EYA1: variants seen among roughly 807,000 people sequenced by gnomAD.
EYA1 encodes EYA transcriptional coactivator and phosphatase 1, also known as protein phosphatase EYA1.
A neutral mutation model predicts 82.0 loss-of-function variants in EYA1; 16 were observed. The observed-to-expected ratio is 0.20, with a 90% confidence interval of 0.13 to 0.30. The LOEUF (loss-of-function observed/expected upper bound fraction) is 0.30. Among genes scored for constraint, EYA1 ranks in the 10% least tolerant of loss-of-function variants. The probability of loss-of-function intolerance (pLI) is 1.00; values close to 1 mark genes in which losing one functional copy is unlikely to be tolerated. For missense variants in EYA1, 633 were observed against 730.7 expected, an observed-to-expected ratio of 0.87 and a Z score of 1.54; for synonymous variants, 261 against 264.4, an observed-to-expected ratio of 0.99 and a Z score of 0.12.
At chr8:71,230,270 A>C (rs2128879410) in intron 12 of EYA1, among the ~76,000 whole-genome samples, 1 of 152,350 alleles carries the variant, frequency 6.6e-6, no homozygotes, top group Admixed American at 6.5e-5. Flanking sequence ...TCTACAAAGC[A>C]GTGACTCTCT....
intron 2 of EYA1, among the ~76,000 whole-genome samples, chr8:71,468,715 C>T (rs1361607149): frequency 6.6e-6 from 1 of 152,078 alleles, no homozygotes; most frequent in Admixed American, 6.6e-5. Context: ...AAGTCCAATA[C>T]ATTCAATGCC....
At chr8:71,241,678 TA>T in intron 12 of EYA1, among the ~76,000 whole-genome samples, 1 of 152,202 alleles carries the variant, frequency 6.6e-6, no homozygotes. Context: ...TAAAAACATG[TA>T]ACTTAAATAT....
chr8:71,335,296 C>T (rs559519169), intron 3 of EYA1, among the ~76,000 whole-genome samples: 1 of 152,212 alleles, frequency 6.6e-6, no homozygotes, highest in East Asian at 1.9e-4. Context: ...GCAGCTTTTC[C>T]TCCTCTCAAC....
At chr8:71,402,258 A>T (rs1586641681) in intron 2 of EYA1, among the ~76,000 whole-genome samples, 1 of 152,098 alleles carries the variant, frequency 6.6e-6, no homozygotes, top group Non-Finnish European at 1.5e-5. Context: ...TTTCCCCTCC[A>T]CTTGCTTTCT....
At chr8:71,413,045 G>A (rs1291816571) in intron 2 of EYA1, among the ~76,000 whole-genome samples, 4 of 152,168 alleles carry the variant, frequency 2.6e-5, no homozygotes, top group Admixed American at 2.6e-4. Context: ...CAAAGCCAAT[G>A]TCATAGGTAA....
chr8:71,299,169 T>A lies in EYA1; in HGVS notation c.704A>T (p.Tyr235Phe), dbSNP rs969843445. 9 of 1,614,062 alleles carry A rather than the reference T, an allele frequency of 5.6e-6. No homozygotes were observed. Among genetic ancestry groups the A allele is most frequent in the Non-Finnish European group, 7.6e-6 (9 of 1,180,032 alleles). The change falls in exon 9 of 18, where the codon TAT becomes TTT. Residue 235 changes from tyrosine (Y) to phenylalanine (F), a missense_variant. Tyr to Phe is a conservative substitution (Grantham distance 22). Coordinates refer to ENST00000340726, the MANE Select transcript of EYA1 (RefSeq NM_000503.6). ...GCTGCTGGTCATATAATGTGCTGGATACGGTGAGCTGTTATAATACTGTGC... is the reference window on the plus strand; with the variant it reads ...GCTGCTGGTCATATAATGTGCTGGAAACGGTGAGCTGTTATAATACTGTGC... ...QYAQYYNSSPYPAHYMTSSNT... is the reference protein window; with the variant it reads ...QYAQYYNSSPFPAHYMTSSNT...
chr8:71,460,197 GA>G (rs1397426876), intron 2 of EYA1, among the ~76,000 whole-genome samples: 1 of 152,160 alleles, frequency 6.6e-6, no homozygotes, highest in Admixed American at 6.6e-5. Flanking sequence ...ATAAAGTTCT[GA>G]AATAGCAGTG....
chr8:71,535,637 G>A, intron 2 of EYA1: 1 of 784,168 alleles, frequency 1.3e-6, no homozygotes, highest in East Asian at 2.8e-5. Flanking sequence ...TGGTACATTG[G>A]TACAGAGCTT....
intron 2 of EYA1, among the ~76,000 whole-genome samples, chr8:71,441,666 C>T (rs1806443706): frequency 6.6e-6 from 1 of 152,116 alleles, no homozygotes; most frequent in Non-Finnish European, 1.5e-5. Context: ...GGATGATGGA[C>T]AAGTAAATGC....
At chr8:71,447,436 T>G (rs1403705997) in intron 2 of EYA1, among the ~76,000 whole-genome samples, 2 of 152,194 alleles carry the variant, frequency 1.3e-5, no homozygotes, top group Non-Finnish European at 2.9e-5. Context: ...TGACTGACAT[T>G]ACCACACAGT....
chr8:71,373,543 G>A (rs1159598039), intron 2 of EYA1, among the ~76,000 whole-genome samples: 1 of 152,100 alleles, frequency 6.6e-6, no homozygotes, highest in Non-Finnish European at 1.5e-5. Context: ...AATTAACATT[G>A]TTAAAATGTC....
At chr8:71,306,941 C>G (rs1031478764) in intron 7 of EYA1, among the ~76,000 whole-genome samples, 1 of 152,204 alleles carries the variant, frequency 6.6e-6, no homozygotes, top group African/African-American at 2.4e-5. Context: ...ATGTCTGACT[C>G]ATGCCTTTGA....
chr8:71,393,084 TA>T, intron 2 of EYA1, among the ~76,000 whole-genome samples: 1 of 152,276 alleles, frequency 6.6e-6, no homozygotes, highest in South Asian at 2.1e-4. Context: ...AGCTAAGATA[TA>T]AAACTATGTA....
chr8:71,321,244 T>C (rs1193830629), intron 6 of EYA1, among the ~76,000 whole-genome samples: 2 of 152,164 alleles, frequency 1.3e-5, no homozygotes, highest in Non-Finnish European at 2.9e-5. Context: ...GGCAGTGATA[T>C]ATAGATCACT....
intron 16 of EYA1, among the ~76,000 whole-genome samples, chr8:71,212,235 T>C (rs1808603810): frequency 6.6e-6 from 1 of 152,234 alleles, no homozygotes; most frequent in African/African-American, 2.4e-5. Context: ...CTTAAACAAA[T>C]GTCTGCTTTA....
At chr8:71,210,362 G>T (rs1271329957) in intron 17 of EYA1, among the ~76,000 whole-genome samples, 1 of 152,348 alleles carries the variant, frequency 6.6e-6, no homozygotes, top group Non-Finnish European at 1.5e-5. Flanking sequence ...GGAAGGAAAA[G>T]CTGTGGGGCA....
chr8:71,483,997 G>A (rs1300460534), intron 2 of EYA1, among the ~76,000 whole-genome samples: 1 of 152,152 alleles, frequency 6.6e-6, no homozygotes, highest in African/African-American at 2.4e-5. Context: ...TGTATTTCTG[G>A]GACTTCTCAG....
chr8:71,210,931 C>T (rs1178261594), intron 17 of EYA1, among the ~76,000 whole-genome samples: 1 of 152,250 alleles, frequency 6.6e-6, no homozygotes, highest in Non-Finnish European at 1.5e-5. Context: ...CTCCCAAATT[C>T]TACCTTCTAT....
chr8:71,479,218 G>A (rs1809913180), intron 2 of EYA1, among the ~76,000 whole-genome samples: 1 of 152,048 alleles, frequency 6.6e-6, no homozygotes, highest in African/African-American at 2.4e-5. Flanking sequence ...TTGGGCCTTT[G>A]CACCAGCTGT....
Sources: gnomAD v4.1 joint callset for allele counts (sites outside exome capture counted in the v4.1 genomes callset) on GRCh38, gnomAD v4.1.1 for gene constraint, MANE v1.5 for transcripts, NCBI Gene and HGNC (gene_info 2026-07-23, HGNC 2026-07-21) for gene names.